The following PTK7 variants were observed in gnomAD, a reference collection of about 807,000 sequenced individuals.
PTK7 encodes protein tyrosine kinase 7 (inactive), also known as inactive tyrosine-protein kinase 7.
Under a neutral mutation model 116.6 loss-of-function variants are expected in PTK7, and 39 were observed. That is an observed-to-expected ratio of 0.33 (90% confidence interval 0.26 to 0.44). PTK7 has a LOEUF of 0.44. PTK7 is among the 20% of genes least tolerant of loss of function. The pLI, the probability that PTK7 is intolerant of heterozygous loss-of-function variation, is 1.00. For missense variants in PTK7, 1,169 were observed against 1,425.6 expected, an observed-to-expected ratio of 0.82 and a Z score of 2.90; for synonymous variants, 546 against 563.6, an observed-to-expected ratio of 0.97 and a Z score of 0.44.
rs1308292060 is a variant in PTK7, at chr6:43,138,846, T to C, written c.1229-3T>C. 1.2e-6 allele frequency: 2 copies of C among 1,610,342 alleles called. No homozygotes were observed. The highest frequency in any genetic ancestry group is 1.7e-6 in the Non-Finnish European group (2 of 1,178,208). The stretch of plus-strand genomic sequence containing the variant: ...CTTCACTGTTTCCTTCCTGTCTGTC[T>C]AGCTGTGCCCTCCTGGCTGAAGAAG... On this transcript the variant is annotated splice_polypyrimidine_tract_variant and splice_region_variant and intron_variant, in intron 7 of 19. Transcript: ENST00000230419.
At chr6:43,137,161 AG>A (rs1397267475) in intron 7 of PTK7, among the ~76,000 whole-genome samples, 1 of 152,232 alleles carries the variant, frequency 6.6e-6, no homozygotes, top group East Asian at 1.9e-4. Context: ...TTTGAGTGGA[AG>A]ACTGATTTTT....
At chr6:43,082,889 C>T (rs376963552) in intron 1 of PTK7, among the ~76,000 whole-genome samples, 1 of 152,148 alleles carries the variant, frequency 6.6e-6, no homozygotes, top group African/African-American at 2.4e-5. Context: ...GAAATTTGGT[C>T]GACAGACAAC....
chr6:43,141,356 C>T lies in PTK7; in HGVS notation c.1619-312C>T, dbSNP rs540524186. Among the ~76,000 whole-genome samples, 2 of 152,024 alleles carry T rather than the reference C, an allele frequency of 1.3e-5. No individual in the cohort carries two copies. Among genetic ancestry groups the T allele is most frequent in the African/African-American group, 4.8e-5 (2 of 41,468 alleles). On this transcript the variant is annotated intron_variant, in intron 10 of 19. Transcript: ENST00000230419. The surrounding 1 kb of genome is among the most constrained non-coding windows in gnomAD (Gnocchi z 4.9). Reference sequence around the variant, plus strand: ...ATCTACAGCCTGGGATGGTAAAGAGCGGGAATGGGCTCTAGGAGGGAGAAG... The same window carrying T: ...ATCTACAGCCTGGGATGGTAAAGAGTGGGAATGGGCTCTAGGAGGGAGAAG...
intron 13 of PTK7, 143 bp downstream of exon 13, chr6:43,142,442 T>C (rs1458511718): frequency 1.6e-6 from 2 of 1,275,004 alleles, no homozygotes; most frequent in Admixed American, 3.9e-5. Flanking sequence ...ACCATGCTGC[T>C]GCACAGTCTT....
rs368272694 is a variant in PTK7, at chr6:43,139,172, C to A, written c.1399C>A (p.Arg467Ser). ...RFEVFKNGTLRINSVEVYDGT... is the reference protein window; with the variant it reads ...RFEVFKNGTLSINSVEVYDGT... ...CGAGGTCTTCAAGAATGGGACCTTG[C>A]GCATCAACAGCGTGGAGGTGTATGA... Residue 467 changes from arginine to serine, a missense_variant, in exon 9 of 20, where the codon CGC becomes AGC. Physicochemically the swap from Arg to Ser is moderately radical, Grantham distance 110 (BLOSUM62 -1). Coordinates refer to ENST00000230419, the MANE Select transcript of PTK7 (RefSeq NM_002821.5). This position sits in a 1 kb window ranked among gnomAD's most constrained non-coding sequence, Gnocchi z 4.6. 1 of 1,614,204 alleles carries A rather than the reference C, an allele frequency of 6.2e-7. No individual in the cohort carries two copies. The highest frequency in any genetic ancestry group is 8.5e-7 in the Non-Finnish European group (1 of 1,180,042).
chr6:43,111,908 C>T (rs1408275422), intron 1 of PTK7, among the ~76,000 whole-genome samples: 1 of 151,680 alleles, frequency 6.6e-6, no homozygotes, highest in African/African-American at 2.4e-5. Flanking sequence ...TCTTGAACCC[C>T]TGAGCTCAAG....
intron 1 of PTK7, among the ~76,000 whole-genome samples, chr6:43,090,766 T>TC (rs1766903029): frequency 6.6e-6 from 1 of 152,192 alleles, no homozygotes; most frequent in Non-Finnish European, 1.5e-5. Flanking sequence ...AATCCTTCCT[T>TC]CTTCTACTCC....
chr6:43,155,955 G>T (rs909008349), intron 17 of PTK7, among the ~76,000 whole-genome samples: 1 of 152,110 alleles, frequency 6.6e-6, no homozygotes, highest in Non-Finnish European at 1.5e-5. Flanking sequence ...GAGGCCAGGC[G>T]TGGTGGCTCA....
In PTK7 at chr6:43,143,750, C is replaced by G. The variant is rs1770565990; in HGVS notation, c.2251+130C>G. The G allele has an allele frequency of 1.0e-6, 1 of 997,720 alleles. No homozygotes were observed. Among genetic ancestry groups the G allele is most frequent in the South Asian group, 1.7e-5 (1 of 59,468 alleles). The allele number at this position is 997,720 out of a possible 1,614,324, so 61.8% of individuals were successfully genotyped here. A position where few individuals can be genotyped will look rare whatever the true frequency, so the allele number is the denominator to read the frequency against. ...TGCTGGGTCCTGGAGCTGGGACTGC[C>G]CCACCCCTAGCGGGAAGCCTGGAGT... is the stretch of plus-strand genomic sequence containing the variant. On this transcript the variant is annotated intron_variant, in intron 14 of 19. Transcript: ENST00000230419. This position sits in a 1 kb window ranked among gnomAD's most constrained non-coding sequence, Gnocchi z 4.2.
chr6:43,110,028 G>A (rs368639223), intron 1 of PTK7, among the ~76,000 whole-genome samples: 170 of 125,414 alleles, frequency 1.4e-3, no homozygotes, highest in African/African-American at 5.0e-3. Context: ...ACAGAGTCTC[G>A]CTGTATCGCC....
chr6:43,146,164 CA>C, intron 16 of PTK7: 1 of 154,762 alleles, frequency 6.5e-6, no homozygotes. Flanking sequence ...TCTGTCTCTA[CA>C]AAAAAATTAA....
At chr6:43,098,648 G>A (rs1046556762) in intron 1 of PTK7, among the ~76,000 whole-genome samples, 5 of 152,242 alleles carry the variant, frequency 3.3e-5, no homozygotes, top group South Asian at 2.1e-4. Flanking sequence ...GAGCCACCGC[G>A]TCCTGCCAAG....
chr6:43,160,931 G>T lies in PTK7; in HGVS notation c.*50G>T. On this transcript the variant is annotated 3_prime_UTR_variant, in exon 20 of 20. Coordinates refer to ENST00000230419, the MANE Select transcript of PTK7 (RefSeq NM_002821.5). ...TGGGCAGGGGAGGACATCTCTAGAG[G>T]GAAGCTCACAGCATGATGGGCAAGA... 6.3e-7 allele frequency: 1 copy of T among 1,593,864 alleles called. No individual in the cohort carries two copies. The highest frequency in any genetic ancestry group is 8.5e-7 in the Non-Finnish European group (1 of 1,170,740).
intron 1 of PTK7, among the ~76,000 whole-genome samples, chr6:43,111,729 C>T (rs1439134770): frequency 6.6e-6 from 1 of 152,118 alleles, no homozygotes; most frequent in Non-Finnish European, 1.5e-5. Context: ...GTGGCACGAT[C>T]ATTGCTCACT....
At chr6:43,092,040 T>C (rs1390080426) in intron 1 of PTK7, among the ~76,000 whole-genome samples, 1 of 152,062 alleles carries the variant, frequency 6.6e-6, no homozygotes, top group East Asian at 1.9e-4. Context: ...TTTTTGTATT[T>C]TTAGTAGCGA....
chr6:43,152,236 G>T (rs547491700), intron 17 of PTK7, among the ~76,000 whole-genome samples: 38 of 142,290 alleles, frequency 2.7e-4, no homozygotes, highest in Middle Eastern at 3.8e-3. Context: ...TGTTGATAAA[G>T]AAATGTACCA....
At chr6:43,098,613 C>T (rs1048438502) in intron 1 of PTK7, among the ~76,000 whole-genome samples, 1 of 152,126 alleles carries the variant, frequency 6.6e-6, no homozygotes, top group African/African-American at 2.4e-5. Flanking sequence ...GCCTCAGCCT[C>T]CCAAAGTGTT....
chr6:43,077,687 G>C (rs1287812322), intron 1 of PTK7, among the ~76,000 whole-genome samples: 1 of 152,230 alleles, frequency 6.6e-6, no homozygotes, highest in South Asian at 2.1e-4. Flanking sequence ...CTGTCGAGGA[G>C]ACCTGTCCTA....
Position 43,159,242 on chromosome 6 carries a change from A to G in PTK7, c.2873+274A>G, listed in dbSNP as rs1771695360. Among the ~76,000 whole-genome samples the G allele has an allele frequency of 1.3e-5, 2 of 152,256 alleles. 1 individual carries two copies. Among genetic ancestry groups the G allele is most frequent in the Admixed American group, 1.3e-4 (2 of 15,280 alleles). On this transcript the variant is annotated intron_variant, in intron 18 of 19. Coordinates refer to ENST00000230419, the MANE Select transcript of PTK7 (RefSeq NM_002821.5). The stretch of plus-strand genomic sequence containing the variant: ...ATAGGCAAATTTGATAAGGATTTAT[A>G]TATAATCTATTTATATGGCTCTCTC...
Sources: allele counts gnomAD v4.1 joint callset (sites outside exome capture counted in the v4.1 genomes callset), GRCh38; gene constraint gnomAD v4.1.1; non-coding constraint Gnocchi (gnomAD v3.1); transcripts MANE v1.5; gene names NCBI Gene and HGNC (gene_info 2026-07-23, HGNC 2026-07-21).